CDH7: variants seen among roughly 807,000 people sequenced by gnomAD.
CDH7 encodes the protein cadherin 7, also known as cadherin-7.
CDH7 carries 25 observed loss-of-function variants against 71.8 expected under a neutral mutation model. The ratio of observed to expected loss-of-function variants is 0.35; its 90% CI spans 0.25 to 0.49. The LOEUF is 0.49. CDH7 is among the 20% of genes least tolerant of loss of function. The pLI, the probability that CDH7 is intolerant of heterozygous loss-of-function variation, is 0.99. For synonymous variants in CDH7, 381 were observed against 363.8 expected (o/e 1.05, Z -0.54); for missense variants, 862 against 974.6 (o/e 0.88, Z 1.54).
intron 2 of CDH7, among the ~76,000 whole-genome samples, chr18:65,800,325 C>T (rs555752445): frequency 3.9e-5 from 6 of 152,280 alleles, no homozygotes; most frequent in Admixed American, 6.5e-5. Flanking sequence ...GTGATCCTCC[C>T]GCCTTAGCCT....
chr18:65,783,604 G>T (rs980514741), intron 2 of CDH7, among the ~76,000 whole-genome samples: 1 of 152,080 alleles, frequency 6.6e-6, no homozygotes, highest in African/African-American at 2.4e-5. Flanking sequence ...AAATTCAGTG[G>T]TCCAAAAATT....
At chr18:65,843,707 C>A in intron 6 of CDH7, 105 bp from the exon 7 acceptor site, 1 of 1,025,634 alleles carries the variant, frequency 9.8e-7, no homozygotes, top group Non-Finnish European at 1.4e-6. Context: ...GGTGCATTTA[C>A]ATGACAGAGT....
intron 6 of CDH7, among the ~76,000 whole-genome samples, chr18:65,843,267 G>C (rs1258098223): frequency 6.6e-6 from 1 of 152,012 alleles, no homozygotes; most frequent in East Asian, 1.9e-4. Context: ...AGACATGATG[G>C]GTGCTTCATG....
At chr18:65,759,966 T>C (rs1916145990) in intron 1 of CDH7, among the ~76,000 whole-genome samples, 1 of 152,234 alleles carries the variant, frequency 6.6e-6, no homozygotes, top group East Asian at 1.9e-4. Flanking sequence ...TTCATCTTGA[T>C]TTTTTGATTT....
At chr18:65,814,990 G>A (rs1911673903) in intron 4 of CDH7, among the ~76,000 whole-genome samples, 1 of 152,070 alleles carries the variant, frequency 6.6e-6, no homozygotes, top group Admixed American at 6.6e-5. Flanking sequence ...TAATATAATA[G>A]GTAGTACTTT....
chr18:65,851,099 C>CA (rs1555689164), intron 7 of CDH7, among the ~76,000 whole-genome samples: 2 of 151,874 alleles, frequency 1.3e-5, no homozygotes, highest in African/African-American at 2.4e-5. Flanking sequence ...CCACAGTGCC[C>CA]GGCCTCAATA....
At chr18:65,781,844 T>A (rs1414173534) in intron 2 of CDH7, among the ~76,000 whole-genome samples, 193 of 98,192 alleles carry the variant, frequency 2.0e-3, no homozygotes, top group Middle Eastern at 0.013. Flanking sequence ...CTTTCTTTCT[T>A]TCTTTCTTTC....
At chr18:65,770,217 T>C (rs1014565313) in intron 2 of CDH7, among the ~76,000 whole-genome samples, 3 of 152,162 alleles carry the variant, frequency 2.0e-5, no homozygotes, top group Non-Finnish European at 4.4e-5. Flanking sequence ...TGCTTATTAT[T>C]TTTTTTCTGA....
At chr18:65,847,913 C>T (rs1480241784) in intron 7 of CDH7, among the ~76,000 whole-genome samples, 3 of 151,686 alleles carry the variant, frequency 2.0e-5, no homozygotes, top group Admixed American at 6.6e-5. Context: ...ACTAAAATTG[C>T]AGTCAAAGCC....
chr18:65,869,549 T>C (rs1174649434), intron 11 of CDH7, among the ~76,000 whole-genome samples: 12 of 135,652 alleles, frequency 8.8e-5, no homozygotes, highest in African/African-American at 3.3e-4. Flanking sequence ...GGGTCAATTT[T>C]TTTTTTTTTT....
At chr18:65,829,685 C>A (rs1172316347) in intron 6 of CDH7, among the ~76,000 whole-genome samples, 1 of 151,548 alleles carries the variant, frequency 6.6e-6, no homozygotes, top group Non-Finnish European at 1.5e-5. Context: ...TCTTTTGAGT[C>A]TAAAAAATCC....
At chr18:65,861,433 C>T (rs1913563126) in intron 10 of CDH7, among the ~76,000 whole-genome samples, 1 of 118,796 alleles carries the variant, frequency 8.4e-6, no homozygotes, top group East Asian at 2.0e-4. Context: ...TCATAAATGC[C>T]TCTGACATCG....
rs764440585 is a variant in CDH7, at chr18:65,880,699, T to A, written c.2163T>A (p.Asp721Glu). Residue 721 changes from aspartate (D) to glutamate (E), a missense_variant, in exon 12 of 12, where the codon GAT (aspartate) becomes GAA (glutamate). By Grantham distance (45) the Asp-to-Glu change is conservative (BLOSUM62 2). Transcript: ENST00000397968. The part of the protein sequence containing the change: ...IWERLKEADV[D>E]PGAPPYDSLQ... ...AAAGATTAAAAGAAGCCGATGTTGA[T>A]CCTGGTGCTCCTCCTTATGACTCCC... is the stretch of plus-strand genomic sequence containing the variant. The A allele has an allele frequency of 6.2e-7, 1 of 1,614,116 alleles. No homozygotes were observed. The highest frequency in any genetic ancestry group is 1.7e-5 in the Admixed American group (1 of 60,014).
In CDH7 at chr18:65,859,469, GGA is replaced by G. The variant is rs1478657278; in HGVS notation, c.1495-238_1495-237del. Among the ~76,000 whole-genome samples, 101 of 152,202 alleles carry G rather than the reference GGA, an allele frequency of 6.6e-4. 1 individual carries two copies. The East Asian group carries it at 0.019, about 29-fold the overall frequency. Reference sequence around the variant, plus strand: ...TGTTTCCTGGGATGTCTAATCAATTGGAACAGCTTATTTCTGAAGTTCACAAA... The same window carrying G: ...TGTTTCCTGGGATGTCTAATCAATTGACAGCTTATTTCTGAAGTTCACAAA... On this transcript the variant is annotated intron_variant, in intron 9 of 11. Coordinates refer to ENST00000397968, the MANE Select transcript of CDH7 (RefSeq NM_004361.5).
At chr18:65,809,293 T>C (rs2062708926) in intron 2 of CDH7, among the ~76,000 whole-genome samples, 1 of 152,156 alleles carries the variant, frequency 6.6e-6, no homozygotes, top group Non-Finnish European at 1.5e-5. Context: ...AAATGGTATA[T>C]TGGAACCAGA....
intron 4 of CDH7, among the ~76,000 whole-genome samples, chr18:65,816,132 G>A (rs1010938116): frequency 6.6e-6 from 1 of 151,946 alleles, no homozygotes; most frequent in Non-Finnish European, 1.5e-5. Context: ...CTTCAAACCT[G>A]ATTTTAATTT....
chr18:65,858,020 T>C (rs1599056200), intron 8 of CDH7, 68 bp downstream of exon 8: 2 of 1,477,974 alleles, frequency 1.4e-6, no homozygotes, highest in African/African-American at 1.4e-5. Flanking sequence ...TGTCATGAGG[T>C]TGTAAATTCA....
intron 2 of CDH7, among the ~76,000 whole-genome samples, chr18:65,766,487 G>A (rs902755930): frequency 4.6e-5 from 7 of 152,016 alleles, no homozygotes; most frequent in Non-Finnish European, 7.4e-5. Context: ...GGAACCACCC[G>A]GGCTCAGACT....
chr18:65,836,156 C>T (rs1300209244), intron 6 of CDH7, among the ~76,000 whole-genome samples: 1 of 152,188 alleles, frequency 6.6e-6, no homozygotes, highest in African/African-American at 2.4e-5. Context: ...TGATTTTAGA[C>T]TTCTGACCTC....
Sources: gnomAD v4.1 joint callset for allele counts (sites outside exome capture counted in the v4.1 genomes callset) on GRCh38, gnomAD v4.1.1 for gene constraint, MANE v1.5 for transcripts, NCBI Gene and HGNC (gene_info 2026-07-23, HGNC 2026-07-21) for gene names.